FAM47E: variants seen among roughly 807,000 people sequenced by gnomAD.
FAM47E encodes the protein family with sequence similarity 47 member E, also known as protein FAM47E.
Under a neutral mutation model 41.6 loss-of-function variants are expected in FAM47E, and 32 were observed. That is an observed-to-expected ratio of 0.77 (90% CI 0.58 to 1.03). The LOEUF (loss-of-function observed/expected upper bound fraction) is 1.03, where lower values mean the gene tolerates loss of function less well. Among genes scored for constraint, FAM47E ranks in the 50% least tolerant of loss-of-function variants. The pLI is 0.00. For synonymous variants in FAM47E, 184 were observed against 188.7 expected, an observed-to-expected ratio of 0.98 and a Z score of 0.20; for missense variants, 424 against 485.4, an observed-to-expected ratio of 0.87 and a Z score of 1.19.
intron 2 of FAM47E, among the ~76,000 whole-genome samples, chr4:76,240,354 TG>T (rs1238679344): frequency 1.3e-5 from 2 of 152,344 alleles, no homozygotes; most frequent in South Asian, 2.1e-4. Flanking sequence ...AATAGTTTGA[TG>T]GTAATACTTT....
chr4:76,266,979 A>G (rs4859650), intron 3 of FAM47E, among the ~76,000 whole-genome samples: 51,119 of 151,984 alleles, frequency 0.34, 9,699 homozygotes, highest in Non-Finnish European at 0.41. Flanking sequence ...AATAGAGACA[A>G]CTTCTCTGTA....
Position 76,278,196 on chromosome 4 carries a change from A to G in FAM47E, c.998A>G (p.Glu333Gly). Residue 333 changes from glutamate (E) to glycine (G), a missense_variant, in exon 6 of 8, where the codon GAG becomes GGG. Coordinates refer to ENST00000424749, the MANE Select transcript of FAM47E (RefSeq NM_001136570.3). ...GAGGTCTCACATAAGGCTCAAGAGG[A>G]GAATTTTAAAAAGGAGCTGCAGGAA... ...DPEVSHKAQE[E>G]NFKKELQEQE... is the part of the protein sequence containing the mutation. 1 of 1,542,436 alleles carries G rather than the reference A, an allele frequency of 6.5e-7. No individual in the cohort carries two copies. Among genetic ancestry groups the G allele is most frequent in the Non-Finnish European group, 8.7e-7 (1 of 1,144,810 alleles).
intron 2 of FAM47E, among the ~76,000 whole-genome samples, chr4:76,260,461 A>G (rs1203986131): frequency 6.6e-6 from 1 of 152,104 alleles, no homozygotes; most frequent in East Asian, 1.9e-4. Context: ...TAAACAATGG[A>G]AAAAGGGCAC....
chr4:76,267,068 C>T (rs1036097959), intron 3 of FAM47E, among the ~76,000 whole-genome samples: 1 of 152,130 alleles, frequency 6.6e-6, no homozygotes, highest in Non-Finnish European at 1.5e-5. Flanking sequence ...TATAATCACC[C>T]GGCATATGTT....
At chr4:76,281,887 C>T (rs978896184) in intron 7 of FAM47E, 3 of 152,134 alleles carry the variant, frequency 2.0e-5, no homozygotes, top group African/African-American at 7.2e-5. Flanking sequence ...GGGGTGTCAC[C>T]GCCTTCTGGT....
intron 1 of FAM47E, among the ~76,000 whole-genome samples, chr4:76,253,122 A>G (rs529910401): frequency 3.5e-4 from 53 of 152,318 alleles, no homozygotes; most frequent in Non-Finnish European, 4.4e-4. Flanking sequence ...ACAGAATAAT[A>G]CAGTATGTAA....
At chr4:76,234,010 G>A (rs1733538215) in intron 2 of FAM47E, among the ~76,000 whole-genome samples, 1 of 152,236 alleles carries the variant, frequency 6.6e-6, no homozygotes, top group African/African-American at 2.4e-5. Flanking sequence ...CCTTCACCAG[G>A]GAGACAAGTT....
At position 76,272,699 on chromosome 4, in the gene FAM47E, A is replaced by G. The variant is rs149864712; in HGVS notation, c.870+931A>G. 2.2e-3 allele frequency among the ~76,000 whole-genome samples: 330 copies of G among 152,272 alleles called. 2 individuals carry two copies. The highest frequency in any genetic ancestry group is 0.02 in the Middle Eastern group (6 of 294). ...CAAAATGGTATTAGACAGGCAAATTATGTCCATCACACCTGAGGCCTGAAC... is the reference window on the plus strand; with the variant it reads ...CAAAATGGTATTAGACAGGCAAATTGTGTCCATCACACCTGAGGCCTGAAC... On this transcript the variant is annotated intron_variant, in intron 5 of 7. Coordinates refer to ENST00000424749, the MANE Select transcript of FAM47E (RefSeq NM_001136570.3).
At chr4:76,248,796 GTC>G (rs35402896), upstream of FAM47E, among the ~76,000 whole-genome samples, 9 of 149,396 alleles carry the variant, frequency 6.0e-5, no homozygotes, top group Non-Finnish European at 1.0e-4. Flanking sequence ...GAATCTCTCA[GTC>G]TCTCTCTCTC....
At chr4:76,278,358 A>T in intron 6 of FAM47E, 134 bp downstream of exon 6, 1 of 964,114 alleles carries the variant, frequency 1.0e-6, no homozygotes, top group Non-Finnish European at 1.4e-6. Flanking sequence ...TATTGAATTC[A>T]GCAAGGAGAA....
Position 76,283,423 on chromosome 4 carries a change from T to G in FAM47E, c.1147T>G (p.Cys383Gly), listed in dbSNP as rs1735444619. Residue 383 changes from cysteine to glycine, a missense_variant, in exon 8 of 8, where the codon TGT becomes GGT. Coordinates refer to ENST00000424749, the MANE Select transcript of FAM47E (RefSeq NM_001136570.3). Reference sequence around the variant, plus strand: ...TATCGGGAAGGAATGTAAACGTGCATGTAATAAGACTCCTATAAAACGAAC... The same window carrying G: ...TATCGGGAAGGAATGTAAACGTGCAGGTAATAAGACTCCTATAAAACGAAC... ...MYIGKECKRA[C>G]NKTPIKRTQA 13 of 1,548,154 alleles carry G rather than the reference T, an allele frequency of 8.4e-6. No homozygotes were observed. The highest frequency in any genetic ancestry group is 1.7e-4 in the Middle Eastern group (1 of 5,992).
rs148171443 is a variant in FAM47E at position 76,246,524 on chromosome 4, G to A, written c.82-17180G>A. On this transcript the variant is annotated intron_variant, in intron 2 of 7. Coordinates refer to the FAM47E transcript ENST00000510197. ...TAGGATTATTTTCCTGATGGAAAATGCTGCATTTTTTGCTTTTCTCTTATT... is the reference window on the plus strand; with the variant it reads ...TAGGATTATTTTCCTGATGGAAAATACTGCATTTTTTGCTTTTCTCTTATT... Among the ~76,000 whole-genome samples the A allele has an allele frequency of 2.3e-3, 345 of 152,142 alleles. 2 individuals are homozygous for A. Among genetic ancestry groups the A allele is most frequent in the African/African-American group, 8.0e-3 (330 of 41,466 alleles).
intron 1 of FAM47E, 146 bp downstream of exon 1, chr4:76,251,966 C>CG (rs1733985084): frequency 9.0e-7 from 1 of 1,116,010 alleles, no homozygotes. Context: ...CAACATAATA[C>CG]GCTGAGATAA....
At chr4:76,237,360 TTTTTG>T (rs796286565) in intron 2 of FAM47E, among the ~76,000 whole-genome samples, 1 of 112,292 alleles carries the variant, frequency 8.9e-6, no homozygotes, top group African/African-American at 3.5e-5. Context: ...AGTTTTTTTT[TTTTTG>T]TTTGTTTGTT....
chr4:76,259,569 G>T (rs1241875262), intron 2 of FAM47E, among the ~76,000 whole-genome samples: 1 of 152,176 alleles, frequency 6.6e-6, no homozygotes, highest in Non-Finnish European at 1.5e-5. Context: ...CTTATTTGAA[G>T]ATTTGGTGGA....
At chr4:76,233,998 T>C (rs1733537975) in intron 2 of FAM47E, among the ~76,000 whole-genome samples, 1 of 152,216 alleles carries the variant, frequency 6.6e-6, no homozygotes, top group African/African-American at 2.4e-5. Context: ...ATTCAAGTGG[T>C]TCCTTCACCA....
exon 1 of FAM47E, chr4:76,214,353 C>T (rs1157229103): frequency 6.6e-6 from 3 of 451,930 alleles, no homozygotes; most frequent in South Asian, 1.6e-5. Flanking sequence ...AAGTTTGTCA[C>T]GTAAGGGGCA....
At chr4:76,272,904 T>C (rs1578798249) in intron 5 of FAM47E, among the ~76,000 whole-genome samples, 1 of 152,214 alleles carries the variant, frequency 6.6e-6, no homozygotes, top group South Asian at 2.1e-4. Context: ...TATTTTCTCT[T>C]CTGACTAGAA....
Position 76,234,982 on chromosome 4 carries a change from G to T in FAM47E, c.81+17294G>T, listed in dbSNP as rs72858537. ...AAATTAAAGTAAGATAGTAGGGACA[G>T]GGTGGGGACCAGCAGCCATCCTCCC... On this transcript the variant is annotated intron_variant, in intron 2 of 7. Coordinates refer to the FAM47E transcript ENST00000510197. Among the ~76,000 whole-genome samples the T allele has an allele frequency of 9.5e-3, 1,451 of 152,242 alleles. 25 individuals carry two copies. The highest frequency in any genetic ancestry group is 0.033 in the African/African-American group (1,376 of 41,540).
Sources: allele counts gnomAD v4.1 joint callset (sites outside exome capture counted in the v4.1 genomes callset), GRCh38; gene constraint gnomAD v4.1.1; transcripts MANE v1.5; gene names NCBI Gene and HGNC (gene_info 2026-07-23, HGNC 2026-07-21).